Variants in DIAPH1 observed in about 807,000 individuals in gnomAD.
DIAPH1 encodes the protein protein diaphanous homolog 1.
In DIAPH1, 46 loss-of-function variants were observed where a neutral mutation model predicts 140.7. That is an observed-to-expected ratio of 0.33 (90% confidence interval 0.26 to 0.42). DIAPH1 has a LOEUF of 0.42. Among genes scored for constraint, DIAPH1 ranks in the 10% least tolerant of loss-of-function variants. DIAPH1 has a pLI of 1.00. For synonymous variants in DIAPH1, 565 were observed against 551.6 expected, an observed-to-expected ratio of 1.02 and a Z score of -0.34; for missense variants, 1,310 against 1,558.7, an observed-to-expected ratio of 0.84 and a Z score of 2.69.
rs773551689 is a variant in DIAPH1 at position 141,617,818 on chromosome 5, T to C, written c.117+980A>G. Among the ~76,000 whole-genome samples the C allele has an allele frequency of 3.7e-4, 56 of 152,280 alleles. 1 individual carries two copies. The highest frequency in any genetic ancestry group is 1.7e-3 in the South Asian group (8 of 4,824). ...GGTAATGAAATATGATAGGGTTACA[T>C]GTATATCACTATTCCTTCACTCGGA... On this transcript the variant is annotated intron_variant, in intron 1 of 27. Transcript: ENST00000389054.
At chr5:141,520,703 T>A (rs1004073376) in intron 27 of DIAPH1, among the ~76,000 whole-genome samples, 7 of 152,128 alleles carry the variant, frequency 4.6e-5, no homozygotes, top group Admixed American at 3.3e-4. Flanking sequence ...GAGAGCACCT[T>A]CCTGAAGCAA....
At chr5:141,616,378 G>A (rs970421715) in intron 1 of DIAPH1, among the ~76,000 whole-genome samples, 1 of 152,184 alleles carries the variant, frequency 6.6e-6, no homozygotes, top group Admixed American at 6.5e-5. Context: ...GTCCAAACCA[G>A]TGCAGTTTTA....
rs536490503 is a variant in DIAPH1, at chr5:141,515,895, A to C, written c.*956T>G. ...CTTACATTATGGAGGGGAAAGGGGGAAGGAACAGTTTTCTTTAAAAAAATT... is the reference window on the plus strand; with the variant it reads ...CTTACATTATGGAGGGGAAAGGGGGCAGGAACAGTTTTCTTTAAAAAAATT... On this transcript the variant is annotated 3_prime_UTR_variant, in exon 28 of 28. Transcript: ENST00000389054. 3 of 152,660 alleles carry C rather than the reference A, an allele frequency of 2.0e-5. No homozygotes were observed. The highest frequency in any genetic ancestry group is 4.4e-5 in the Non-Finnish European group (3 of 68,160). The allele number at this position is 152,660 out of a possible 1,614,324, so 9.5% of individuals were successfully genotyped here. A position where few individuals can be genotyped will look rare whatever the true frequency, so the allele number is the denominator to read the frequency against.
At chr5:141,543,533 AT>A (rs762089998) in intron 18 of DIAPH1, among the ~76,000 whole-genome samples, 6 of 152,222 alleles carry the variant, frequency 3.9e-5, no homozygotes, top group African/African-American at 7.2e-5. Context: ...TGCAAAAGCC[AT>A]ATGCATTCAG....
At position 141,526,215 on chromosome 5, in the gene DIAPH1, T is replaced by C. The variant is rs199609749; in HGVS notation, c.3439-42A>G. ...GAGGAAGGAACACATGGGCATTGTA[T>C]ACCTACTACCAGCCAACAGGAACCC... On this transcript the variant is annotated intron_variant, in intron 25 of 27. Coordinates refer to ENST00000389054, the MANE Select transcript of DIAPH1 (RefSeq NM_005219.5). 117 of 1,614,110 alleles carry C rather than the reference T, an allele frequency of 7.2e-5. No individual in the cohort carries two copies. In the East Asian group the frequency reaches 2.3e-3, roughly 32 times the overall value.
intron 1 of DIAPH1, among the ~76,000 whole-genome samples, chr5:141,591,618 C>A (rs2099898418): frequency 6.8e-6 from 1 of 147,966 alleles, no homozygotes; most frequent in South Asian, 2.1e-4. Context: ...TTGCATTCCC[C>A]AAATTCTTGT....
chr5:141,532,254 C>T (rs2099888343), intron 19 of DIAPH1, among the ~76,000 whole-genome samples: 1 of 152,126 alleles, frequency 6.6e-6, no homozygotes, highest in Admixed American at 6.5e-5. Flanking sequence ...TCACTGCAAC[C>T]TCAAATTCCT....
At chr5:141,604,675 A>G (rs2099900662) in intron 1 of DIAPH1, among the ~76,000 whole-genome samples, 1 of 152,184 alleles carries the variant, frequency 6.6e-6, no homozygotes, top group African/African-American at 2.4e-5. Context: ...TCCCATTCCT[A>G]AAGTCCTTTC....
In DIAPH1 at chr5:141,587,214, A is replaced by C. The variant is rs1056159695; in HGVS notation, c.145-17T>G. Reference sequence around the variant, plus strand: ...TCTCTCCAGCTGAGAAACAGAAAAAAGCATTAGCAGTGATCCATTTTCACT... The same window carrying C: ...TCTCTCCAGCTGAGAAACAGAAAAACGCATTAGCAGTGATCCATTTTCACT... On this transcript the variant is annotated splice_polypyrimidine_tract_variant and intron_variant, in intron 2 of 27. Transcript: ENST00000389054. 32 of 1,613,068 alleles carry C rather than the reference A, an allele frequency of 2.0e-5. No individual in the cohort carries two copies. Among genetic ancestry groups the C allele is most frequent in the Non-Finnish European group, 2.5e-5 (30 of 1,179,764 alleles).
chr5:141,530,480 G>C (rs533956005), intron 19 of DIAPH1, among the ~76,000 whole-genome samples: 2 of 152,244 alleles, frequency 1.3e-5, no homozygotes, highest in African/African-American at 2.4e-5. Flanking sequence ...CTGACACCTA[G>C]GCTGATGCGG....
At chr5:141,582,112 T>G in intron 7 of DIAPH1, 200 bp downstream of exon 7, 1 of 404,860 alleles carries the variant, frequency 2.5e-6, no homozygotes, top group East Asian at 4.5e-5. Flanking sequence ...ATTGAGCCTG[T>G]CCTCTGAAAC....
At chr5:141,548,606 G>A (rs1467766166) in intron 18 of DIAPH1, among the ~76,000 whole-genome samples, 1 of 152,060 alleles carries the variant, frequency 6.6e-6, no homozygotes, top group East Asian at 1.9e-4. Context: ...GTTCCAGCCT[G>A]GGCAATAAGG....
At chr5:141,524,971 T>A (rs2099887097) in intron 26 of DIAPH1, among the ~76,000 whole-genome samples, 1 of 152,086 alleles carries the variant, frequency 6.6e-6, no homozygotes, top group Non-Finnish European at 1.5e-5. Context: ...TACTGGAAAC[T>A]GGGCAAGGTC....
At chr5:141,524,079 C>A in intron 27 of DIAPH1, 64 bp downstream of exon 27, 5 of 1,381,122 alleles carry the variant, frequency 3.6e-6, no homozygotes, top group Non-Finnish European at 5.2e-6. Context: ...TAGCCGCAGA[C>A]TGGCAGGAGT....
intron 18 of DIAPH1, among the ~76,000 whole-genome samples, chr5:141,538,864 A>G (rs1033487637): frequency 6.6e-6 from 1 of 152,226 alleles, no homozygotes; most frequent in African/African-American, 2.4e-5. Flanking sequence ...CACCACACCC[A>G]GTCAATAGTT....
intron 18 of DIAPH1, among the ~76,000 whole-genome samples, chr5:141,569,402 A>G (rs1278777168): frequency 1.3e-5 from 2 of 152,202 alleles, no homozygotes; most frequent in African/African-American, 4.8e-5. Flanking sequence ...GGTAACTGAC[A>G]CTGGCTTCAG....
At chr5:141,534,276 TA>T in intron 19 of DIAPH1, 58 bp downstream of exon 19, 1 of 1,347,692 alleles carries the variant, frequency 7.4e-7, no homozygotes. Context: ...TCAAGAGAAT[TA>T]AAAATTCTTA....
At chr5:141,613,208 G>C (rs1335191640) in intron 1 of DIAPH1, among the ~76,000 whole-genome samples, 1 of 151,950 alleles carries the variant, frequency 6.6e-6, no homozygotes, top group South Asian at 2.1e-4. Context: ...ACTCTCATTT[G>C]CATCCCCTTA....
chr5:141,595,495 G>A (rs1025813946), intron 1 of DIAPH1, among the ~76,000 whole-genome samples: 1 of 152,162 alleles, frequency 6.6e-6, no homozygotes, highest in African/African-American at 2.4e-5. Context: ...ACCAGGTGGA[G>A]GTAATAGGAT....
Sources: gnomAD v4.1 joint callset for allele counts (sites outside exome capture counted in the v4.1 genomes callset) on GRCh38, gnomAD v4.1.1 for gene constraint, MANE v1.5 for transcripts, NCBI Gene and HGNC (gene_info 2026-07-23, HGNC 2026-07-21) for gene names.